BTN3A2: variants seen among roughly 807,000 people sequenced by gnomAD.
The protein encoded by BTN3A2 is butyrophilin protein.
Under a neutral mutation model 37.6 loss-of-function variants are expected in BTN3A2, and 25 were observed. The observed-to-expected ratio is 0.66, with a 90% CI of 0.48 to 0.93. The LOEUF is 0.93. Among genes scored for constraint, BTN3A2 ranks in the 40% least tolerant of loss-of-function variants. The pLI is 0.00. For missense variants in BTN3A2, 266 were observed against 410.9 expected (o/e 0.65, Z 3.05); for synonymous variants, 122 against 159.4 (o/e 0.77, Z 1.77).
In BTN3A2 at chr6:26,376,513, T is replaced by C; in HGVS notation, c.*751T>C. On this transcript the variant is annotated 3_prime_UTR_variant, in exon 11 of 11. Transcript: ENST00000377708. ...AGCATGGCCCAAGCCTTGCATGCTGTGGCTCTTAAATCCAGGAAAAATGGC... is the reference window on the plus strand; with the variant it reads ...AGCATGGCCCAAGCCTTGCATGCTGCGGCTCTTAAATCCAGGAAAAATGGC... 1 of 1,293,616 alleles carries C rather than the reference T, an allele frequency of 7.7e-7. No individual in the cohort carries two copies. Among genetic ancestry groups the C allele is most frequent in the Non-Finnish European group, 1.0e-6 (1 of 956,842 alleles). 80.1% of individuals were successfully genotyped at this position (1,293,616 alleles called of 1,614,324 possible). A position where few individuals can be genotyped will look rare whatever the true frequency, so the allele number is the denominator to read the frequency against.
In BTN3A2 at chr6:26,370,359, TGAGGATG is replaced by T. The variant is rs778243151; in HGVS notation, c.476_482del (p.Asp159GlyfsTer44). On this transcript the variant is annotated frameshift_variant, in exon 5 of 11. Coordinates refer to ENST00000377708, the MANE Select transcript of BTN3A2 (RefSeq NM_007047.5). LOFTEE classifies it high-confidence loss of function. ...ATCTTCACGTCGAAGTGAAGGGTTA[TGAGGATG>T]GAGGGATCCATCTGGAGTGCAGGTC... 36 of 1,614,090 alleles carry T rather than the reference TGAGGATG, an allele frequency of 2.2e-5. 3 individuals carry two copies. In the South Asian group the frequency reaches 3.7e-4, roughly 17 times the overall value.
At chr6:26,373,593 A>G in intron 8 of BTN3A2, 180 bp downstream of exon 8, 2 of 460,076 alleles carry the variant, frequency 4.3e-6, no homozygotes, top group South Asian at 4.9e-5. Flanking sequence ...CTCTAGAAAA[A>G]AAAAAAAAAA....
intron 1 of BTN3A2, among the ~76,000 whole-genome samples, chr6:26,366,274 A>T (rs1181974020): frequency 1.3e-5 from 2 of 152,208 alleles, no homozygotes; most frequent in Non-Finnish European, 2.9e-5. Flanking sequence ...ACTAGATTGA[A>T]CAGCCTTATC....
chr6:26,370,948 C>A (rs1760050087), intron 5 of BTN3A2, among the ~76,000 whole-genome samples: 3 of 152,138 alleles, frequency 2.0e-5, no homozygotes, highest in South Asian at 2.1e-4. Flanking sequence ...CTCCTTGAAT[C>A]AGAAGGAGAT....
chr6:26,374,421 C>CG, intron 9 of BTN3A2, 48 bp downstream of exon 9: 1 of 1,550,582 alleles, frequency 6.4e-7, no homozygotes, highest in Non-Finnish European at 8.9e-7. Flanking sequence ...TTTTTCTCCA[C>CG]TGTGACCCGT....
At chr6:26,372,782 T>G in intron 5 of BTN3A2, 115 bp from the exon 6 acceptor site, 1 of 1,244,484 alleles carries the variant, frequency 8.0e-7, no homozygotes, top group South Asian at 1.4e-5. Flanking sequence ...TTATTTAACC[T>G]CATGAGATAG....
intron 4 of BTN3A2, among the ~76,000 whole-genome samples, chr6:26,369,155 C>G (rs908354603): frequency 2.0e-5 from 3 of 152,050 alleles, no homozygotes; most frequent in Non-Finnish European, 4.4e-5. Context: ...GAGATATAAG[C>G]GAAGTGAAGG....
At chr6:26,371,818 A>C (rs1760145201) in intron 5 of BTN3A2, among the ~76,000 whole-genome samples, 2 of 152,246 alleles carry the variant, frequency 1.3e-5, no homozygotes, top group Admixed American at 1.3e-4. Flanking sequence ...AGCTGAGATT[A>C]CAAGCATGTG....
rs150757948 is a variant in BTN3A2, at chr6:26,371,003, G to A, written c.715+400G>A. Among the ~76,000 whole-genome samples, 386 of 152,270 alleles carry A rather than the reference G, an allele frequency of 2.5e-3. 3 individuals are homozygous for A. Among genetic ancestry groups the A allele is most frequent in the Admixed American group, 5.0e-3 (77 of 15,292 alleles). ...GTTTTGGCCAGGCATGGTGGCTCAC[G>A]CCTGTAATCCCAGCACTTTGGGAGG... On this transcript the variant is annotated intron_variant, in intron 5 of 10. Coordinates refer to ENST00000377708, the MANE Select transcript of BTN3A2 (RefSeq NM_007047.5).
Position 26,376,700 on chromosome 6 carries a change from C to T in BTN3A2, c.*938C>T, listed in dbSNP as rs984252834. ...ACCCTGAGAGATTTGAATGGCGTTA[C>T]TGTGTGCTTGGCTGTGAAAGCTTCA... is the stretch of plus-strand genomic sequence containing the variant. On this transcript the variant is annotated 3_prime_UTR_variant, in exon 11 of 11. Coordinates refer to ENST00000377708, the MANE Select transcript of BTN3A2 (RefSeq NM_007047.5). 1 of 1,557,924 alleles carries T rather than the reference C, an allele frequency of 6.4e-7. No individual in the cohort carries two copies. Among genetic ancestry groups the T allele is most frequent in the African/African-American group, 1.4e-5 (1 of 73,716 alleles).
At chr6:26,366,608 A>C (rs9379856) in intron 1 of BTN3A2, among the ~76,000 whole-genome samples, 11,710 of 152,276 alleles carry the variant, frequency 0.077, 565 homozygotes, top group Non-Finnish European at 0.11. Flanking sequence ...TCCTTAGGAG[A>C]ATAAAGAGCA....
At chr6:26,365,745 G>C (rs751471685) in intron 1 of BTN3A2, among the ~76,000 whole-genome samples, 7 of 152,004 alleles carry the variant, frequency 4.6e-5, no homozygotes, top group African/African-American at 1.7e-4. Context: ...CCAACTCAAG[G>C]CATCTATTCT....
rs941333986 is a variant in BTN3A2, at chr6:26,378,051, C to A, written c.*2289C>A. ...GCAGAGCAAATACCCTAGAGATTCT[C>A]TGTAATATTGGTAATTTGGATGAAG... On this transcript the variant is annotated 3_prime_UTR_variant, in exon 11 of 11. Coordinates refer to ENST00000377708, the MANE Select transcript of BTN3A2 (RefSeq NM_007047.5). 6.6e-6 allele frequency: 1 copy of A among 152,164 alleles called. No homozygotes were observed. The highest frequency in any genetic ancestry group is 2.4e-5 in the African/African-American group (1 of 41,434). 9.4% of individuals were successfully genotyped at this position (152,164 alleles called of 1,614,324 possible). A position where few individuals can be genotyped will look rare whatever the true frequency, so the allele number is the denominator to read the frequency against.
chr6:26,376,885 C>T lies in BTN3A2; in HGVS notation c.*1123C>T. On this transcript the variant is annotated 3_prime_UTR_variant, in exon 11 of 11. Transcript: ENST00000377708. ...CTGACTGATGGGAATAAGTATCGGG[C>T]TCTCACTGAGCCCAGAACCAACCTG... 2 of 1,613,972 alleles carry T rather than the reference C, an allele frequency of 1.2e-6. No homozygotes were observed.
chr6:26,367,112 C>A (rs1029904175), intron 1 of BTN3A2, among the ~76,000 whole-genome samples: 1 of 152,100 alleles, frequency 6.6e-6, no homozygotes, highest in African/African-American at 2.4e-5. Context: ...TCAATTGAAT[C>A]ATTAGTATAG....
chr6:26,372,884 C>T lies in BTN3A2; in HGVS notation c.716-13C>T, dbSNP rs750926111. On this transcript the variant is annotated splice_polypyrimidine_tract_variant and intron_variant, in intron 5 of 10. Coordinates refer to ENST00000377708, the MANE Select transcript of BTN3A2 (RefSeq NM_007047.5). Reference sequence around the variant, plus strand: ...GCACCAGCGCCCATGACCTACAGCTCTCCCCTTCGCAGACCCCTTCTTCAG... The same window carrying T: ...GCACCAGCGCCCATGACCTACAGCTTTCCCCTTCGCAGACCCCTTCTTCAG... The T allele has an allele frequency of 2.5e-6, 4 of 1,612,682 alleles. No individual in the cohort carries two copies. The highest frequency in any genetic ancestry group is 1.1e-5 in the South Asian group (1 of 91,036).
intron 4 of BTN3A2, 40 bp from the exon 5 acceptor site, chr6:26,370,282 A>C: frequency 6.2e-7 from 1 of 1,603,112 alleles, no homozygotes; most frequent in Non-Finnish European, 8.5e-7. Context: ...TCCCTAATAC[A>C]GGAGCTATCC....
rs1372036854 is a variant in BTN3A2, at chr6:26,377,859, G to A, written c.*2097G>A. 1.3e-5 allele frequency: 2 copies of A among 153,634 alleles called. No individual in the cohort carries two copies. The highest frequency in any genetic ancestry group is 2.4e-5 in the African/African-American group (1 of 41,428). The allele number at this position is 153,634 out of a possible 1,614,324, so 9.5% of individuals were successfully genotyped here. A position where few individuals can be genotyped will look rare whatever the true frequency, so the allele number is the denominator to read the frequency against. On this transcript the variant is annotated 3_prime_UTR_variant, in exon 11 of 11. Coordinates refer to ENST00000377708, the MANE Select transcript of BTN3A2 (RefSeq NM_007047.5). ...GCACTCCTTGGATTGGCTCTGCAGAGTGTCTTGGTTGAGAGAATAACGTTG... is the reference window on the plus strand; with the variant it reads ...GCACTCCTTGGATTGGCTCTGCAGAATGTCTTGGTTGAGAGAATAACGTTG...
chr6:26,370,160 C>T (rs1348963229), intron 4 of BTN3A2, among the ~76,000 whole-genome samples, 162 bp from the exon 5 acceptor site: 1 of 152,162 alleles, frequency 6.6e-6, no homozygotes, highest in Non-Finnish European at 1.5e-5. Context: ...GGATACTGCA[C>T]TAGCAAATTT....
Sources: allele counts gnomAD v4.1 joint callset (sites outside exome capture counted in the v4.1 genomes callset), GRCh38; gene constraint gnomAD v4.1.1; transcripts MANE v1.5; gene names NCBI Gene and HGNC (gene_info 2026-07-23, HGNC 2026-07-21).